HGF: variants seen among roughly 807,000 people sequenced by gnomAD.
HGF encodes fibroblast-derived tumor cytotoxic factor.
Under a neutral mutation model 111.6 loss-of-function variants are expected in HGF, and 39 were observed. The ratio of observed to expected loss-of-function variants is 0.35; its 90% CI spans 0.27 to 0.46. The LOEUF is 0.46. Among genes scored for constraint, HGF ranks in the 20% least tolerant of loss-of-function variants. The pLI, the probability that HGF is intolerant of heterozygous loss-of-function variation, is 1.00. For synonymous variants in HGF, 285 were observed against 294.8 expected (o/e 0.97, Z 0.34); for missense variants, 735 against 910.5 (o/e 0.81, Z 2.48).
At chr7:81,716,151 A>G (rs925653308) in intron 11 of HGF, among the ~76,000 whole-genome samples, 3 of 152,122 alleles carry the variant, frequency 2.0e-5, no homozygotes, top group African/African-American at 7.2e-5. Context: ...GGACATTGGC[A>G]ATGTCTAGAG....
intron 10 of HGF, among the ~76,000 whole-genome samples, 153 bp from the exon 11 acceptor site, chr7:81,717,518 G>A (rs576867374): frequency 7.2e-5 from 11 of 152,134 alleles, no homozygotes; most frequent in South Asian, 2.1e-4. Context: ...TTTGTTTGAG[G>A]TCTGTTTGGT....
chr7:81,760,071 T>C (rs979427354), intron 2 of HGF, among the ~76,000 whole-genome samples: 1 of 152,186 alleles, frequency 6.6e-6, no homozygotes, highest in Non-Finnish European at 1.5e-5. Context: ...TTAAGAAAAG[T>C]GTTTCTTATA....
Position 81,751,059 on chromosome 7 carries a change from A to T in HGF, c.625+1061T>A. Reference sequence around the variant, plus strand: ...GATTTCAAATTCACTAACAACAGAAAACAAATCCTTCTCTGTGACAATTAG... The same window carrying T: ...GATTTCAAATTCACTAACAACAGAATACAAATCCTTCTCTGTGACAATTAG... On this transcript the variant is annotated intron_variant, in intron 5 of 17. Coordinates refer to ENST00000222390, the MANE Select transcript of HGF (RefSeq NM_000601.6). 3 of 984,532 alleles carry T rather than the reference A, an allele frequency of 3.0e-6. No individual in the cohort carries two copies. In the South Asian group the frequency reaches 1.4e-4, roughly 46 times the overall value. 61.0% of individuals were successfully genotyped at this position (984,532 alleles called of 1,614,324 possible). A position where few individuals can be genotyped will look rare whatever the true frequency, so the allele number is the denominator to read the frequency against.
chr7:81,757,024 T>C, intron 4 of HGF, 165 bp downstream of exon 4: 1 of 624,982 alleles, frequency 1.6e-6, no homozygotes, highest in Non-Finnish European at 2.9e-6. Flanking sequence ...TAATTAATCA[T>C]TTGCTAAATA....
chr7:81,717,116 G>A, intron 11 of HGF, 116 bp downstream of exon 11: 1 of 958,616 alleles, frequency 1.0e-6, no homozygotes, highest in South Asian at 1.3e-5. Flanking sequence ...GTTGCTCTCT[G>A]GAGAGCTTCC....
intron 5 of HGF, among the ~76,000 whole-genome samples, chr7:81,745,484 T>C (rs1319571650): frequency 6.6e-6 from 1 of 152,190 alleles, no homozygotes; most frequent in Admixed American, 6.5e-5. Flanking sequence ...TCAGTATCTA[T>C]TTGTCAGCAC....
chr7:81,734,878 A>C lies in HGF; in HGVS notation c.866-5099T>G, dbSNP rs111770716. On this transcript the variant is annotated intron_variant, in intron 7 of 17. Transcript: ENST00000222390. ...AAAGAAAACCCAGATTTCCCAATGG[A>C]GACAAGCTATTGCTTCTCTTTTCCC... 2.6e-5 allele frequency among the ~76,000 whole-genome samples: 4 copies of C among 152,100 alleles called. No individual in the cohort carries two copies. The South Asian group carries it at 8.3e-4, about 31-fold the overall frequency.
At chr7:81,708,322 C>T (rs1789480530) in intron 13 of HGF, among the ~76,000 whole-genome samples, 1 of 151,970 alleles carries the variant, frequency 6.6e-6, no homozygotes. Flanking sequence ...TTACAGTACT[C>T]TAATCTGATG....
At chr7:81,705,285 G>A (rs1212976626) in intron 17 of HGF, 105 bp downstream of exon 17, 32 of 1,065,456 alleles carry the variant, frequency 3.0e-5, no homozygotes, top group African/African-American at 3.1e-5. Context: ...CCTAGAATAG[G>A]TTGGTATACA....
chr7:81,710,187 T>C lies in HGF; in HGVS notation c.1501A>G (p.Thr501Ala). Reference sequence around the variant, plus strand: ...ACCATCCATCCTATGTTTGTTCGTGTTGGAATCCCATTTACAACTCGCAAT... The same window carrying C: ...ACCATCCATCCTATGTTTGTTCGTGCTGGAATCCCATTTACAACTCGCAAT... Reference protein sequence around the residue: ...KQLRVVNGIPTRTNIGWMVSL... With the variant: ...KQLRVVNGIPARTNIGWMVSL... Residue 501 changes from threonine (T) to alanine (A), a missense_variant, in exon 13 of 18, where the codon ACA becomes GCA. Thr to Ala is a moderately conservative substitution (Grantham distance 58). Around this residue, in one of 3 missense-constraint regions of HGF, gnomAD observed 553 missense variants for 685.6 expected, o/e 0.81. Transcript: ENST00000222390. 1 of 1,613,572 alleles carries C rather than the reference T, an allele frequency of 6.2e-7. No homozygotes were observed. The highest frequency in any genetic ancestry group is 8.5e-7 in the Non-Finnish European group (1 of 1,179,534).
At chr7:81,730,142 T>C (rs1447700809) in intron 7 of HGF, among the ~76,000 whole-genome samples, 1 of 152,172 alleles carries the variant, frequency 6.6e-6, no homozygotes, top group Non-Finnish European at 1.5e-5. Context: ...ACCATAATTT[T>C]CCTCCAATAT....
intron 4 of HGF, 61 bp downstream of exon 4, chr7:81,757,128 T>G: frequency 9.3e-6 from 8 of 864,192 alleles, no homozygotes; most frequent in African/African-American, 1.6e-5. Flanking sequence ...AGGACTAATA[T>G]GAGACTGTTA....
intron 12 of HGF, among the ~76,000 whole-genome samples, chr7:81,710,942 T>C (rs1324211811): frequency 6.6e-6 from 1 of 152,164 alleles, no homozygotes; most frequent in Non-Finnish European, 1.5e-5. Context: ...CTTGAGTAAC[T>C]TCCTTCAGCT....
intron 1 of HGF, among the ~76,000 whole-genome samples, chr7:81,766,137 G>A (rs1789346126): frequency 6.6e-6 from 1 of 152,168 alleles, no homozygotes; most frequent in South Asian, 2.1e-4. Flanking sequence ...ATGTATCAAG[G>A]TGCTTGAAGA....
intron 13 of HGF, among the ~76,000 whole-genome samples, chr7:81,709,461 A>C (rs1789515891): frequency 6.6e-6 from 1 of 152,202 alleles, no homozygotes; most frequent in Non-Finnish European, 1.5e-5. Flanking sequence ...TCAGATTTTA[A>C]GTTAACTTAT....
At chr7:81,723,276 A>G (rs900075521) in intron 9 of HGF, among the ~76,000 whole-genome samples, 1 of 152,164 alleles carries the variant, frequency 6.6e-6, no homozygotes, top group Non-Finnish European at 1.5e-5. Flanking sequence ...AGAAGAGGAC[A>G]CTTCTCTGAA....
At chr7:81,735,375 A>G (rs906150693) in intron 7 of HGF, among the ~76,000 whole-genome samples, 30 of 152,070 alleles carry the variant, frequency 2.0e-4, no homozygotes, top group Non-Finnish European at 4.1e-4. Context: ...CATCCAAGTA[A>G]AAGATTTTTC....
At chr7:81,750,615 T>C (rs1788451891) in intron 5 of HGF, among the ~76,000 whole-genome samples, 1 of 152,174 alleles carries the variant, frequency 6.6e-6, no homozygotes, top group African/African-American at 2.4e-5. Flanking sequence ...AGTAAGTATA[T>C]TTTGATGAAT....
rs763647189 is a variant in HGF, at chr7:81,743,338, T to C, written c.865+15A>G. On this transcript the variant is annotated intron_variant, in intron 7 of 17. Coordinates refer to ENST00000222390, the MANE Select transcript of HGF (RefSeq NM_000601.6). Reference sequence around the variant, plus strand: ...GTGAGAGGAAAAGGAAGCAATAAATTTGACCTTCACTTACCGCATGTTTTA... The same window carrying C: ...GTGAGAGGAAAAGGAAGCAATAAATCTGACCTTCACTTACCGCATGTTTTA... The C allele has an allele frequency of 2.8e-6, 4 of 1,427,322 alleles. No homozygotes were observed. Among genetic ancestry groups the C allele is most frequent in the South Asian group, 1.1e-5 (1 of 87,484 alleles). 88.4% of individuals were successfully genotyped at this position (1,427,322 alleles called of 1,614,324 possible).
Sources: allele counts gnomAD v4.1 joint callset (sites outside exome capture counted in the v4.1 genomes callset), GRCh38; gene constraint gnomAD v4.1.1; regional missense constraint gnomAD v4.1.1; transcripts MANE v1.5; gene names NCBI Gene and HGNC (gene_info 2026-07-23, HGNC 2026-07-21).